RPH3A: variants seen among roughly 807,000 people sequenced by gnomAD.
RPH3A encodes rabphilin-3A.
Under a neutral mutation model 102.2 loss-of-function variants are expected in RPH3A, and 48 were observed. The ratio of observed to expected loss-of-function variants is 0.47; its 90% CI spans 0.37 to 0.60. The LOEUF (loss-of-function observed/expected upper bound fraction) is 0.60. Ranked by LOEUF, RPH3A falls within the 20% of genes least tolerant of loss-of-function variation. The pLI is 0.00. For synonymous variants in RPH3A, 310 were observed against 324.3 expected (o/e 0.96, Z 0.47); for missense variants, 781 against 910.1 (o/e 0.86, Z 1.83).
chr12:112,754,891 T>G (rs752263591), intron 1 of RPH3A, among the ~76,000 whole-genome samples: 3 of 152,246 alleles, frequency 2.0e-5, no homozygotes, highest in Admixed American at 6.5e-5. Flanking sequence ...TGCTTCAAAC[T>G]AATTACATCT....
At chr12:112,895,248 G>C (rs2043160378) in intron 20 of RPH3A, among the ~76,000 whole-genome samples, 1 of 151,980 alleles carries the variant, frequency 6.6e-6, no homozygotes, top group Admixed American at 6.6e-5. Context: ...AATTACAGGT[G>C]CCCACCACCA....
intron 1 of RPH3A, among the ~76,000 whole-genome samples, chr12:112,721,473 T>C (rs1022398443): frequency 3.9e-5 from 6 of 152,166 alleles, no homozygotes; most frequent in African/African-American, 1.4e-4. Flanking sequence ...GAGGGCCAGA[T>C]TGTGAATATA....
chr12:112,888,892 C>T (rs538929503), intron 17 of RPH3A, among the ~76,000 whole-genome samples: 10 of 152,300 alleles, frequency 6.6e-5, no homozygotes, highest in Admixed American at 5.9e-4. Flanking sequence ...GGCTGCCTTG[C>T]CTTACGTATG....
At chr12:112,785,629 A>G (rs940033587) in intron 1 of RPH3A, among the ~76,000 whole-genome samples, 6 of 152,146 alleles carry the variant, frequency 3.9e-5, no homozygotes, top group African/African-American at 1.2e-4. Flanking sequence ...GCTTTAACGT[A>G]TGTTAGCTAA....
At chr12:112,851,892 C>G (rs2042329807) in intron 5 of RPH3A, among the ~76,000 whole-genome samples, 2 of 152,226 alleles carry the variant, frequency 1.3e-5, no homozygotes, top group South Asian at 4.1e-4. Flanking sequence ...ACACTTTGCT[C>G]ACAAGAAAGG....
intron 1 of RPH3A, among the ~76,000 whole-genome samples, chr12:112,646,538 G>T (rs2039932155): frequency 6.6e-6 from 1 of 152,146 alleles, no homozygotes; most frequent in Admixed American, 6.5e-5. Flanking sequence ...CTCTCAGCCG[G>T]TCACACTCCT....
At chr12:112,888,554 C>T (rs186911200) in intron 17 of RPH3A, among the ~76,000 whole-genome samples, 2 of 152,304 alleles carry the variant, frequency 1.3e-5, no homozygotes, top group East Asian at 3.9e-4. Context: ...TAACCTGAGG[C>T]AAATTATTTA....
At chr12:112,734,246 C>T (rs1245083638) in intron 1 of RPH3A, among the ~76,000 whole-genome samples, 1 of 152,202 alleles carries the variant, frequency 6.6e-6, no homozygotes, top group Non-Finnish European at 1.5e-5. Context: ...CAATTGCCTA[C>T]AGTGTTCAGG....
chr12:112,578,737 G>A (rs1009014146), intron 1 of RPH3A, among the ~76,000 whole-genome samples: 4 of 152,212 alleles, frequency 2.6e-5, no homozygotes, highest in Admixed American at 2.0e-4. Context: ...AAAGTCAACT[G>A]CTTACAGGGT....
At chr12:112,749,932 T>G (rs2040775120) in intron 1 of RPH3A, among the ~76,000 whole-genome samples, 1 of 152,190 alleles carries the variant, frequency 6.6e-6, no homozygotes. Flanking sequence ...GGAGTCCAGA[T>G]GTCTGTATCT....
At chr12:112,875,317 C>T (rs1050300617) in intron 11 of RPH3A, 147 bp downstream of exon 11, 1 of 664,410 alleles carries the variant, frequency 1.5e-6, no homozygotes, top group Non-Finnish European at 2.5e-6. Context: ...ACCCTTACAA[C>T]CAGTAATTCC....
At chr12:112,779,843 C>T (rs567498133) in intron 1 of RPH3A, among the ~76,000 whole-genome samples, 1 of 152,164 alleles carries the variant, frequency 6.6e-6, no homozygotes, top group Admixed American at 6.5e-5. Flanking sequence ...TTAGGATGAG[C>T]CCTAAATCCA....
At chr12:112,763,416 T>A (rs550972108) in intron 1 of RPH3A, among the ~76,000 whole-genome samples, 1 of 152,308 alleles carries the variant, frequency 6.6e-6, no homozygotes, top group Admixed American at 6.5e-5. Flanking sequence ...TAGGGAGACA[T>A]AAGATATCAA....
intron 15 of RPH3A, among the ~76,000 whole-genome samples, chr12:112,882,589 A>G (rs1283411715): frequency 6.6e-5 from 10 of 152,154 alleles, no homozygotes. Context: ...CCCTCAACAC[A>G]CACGCGTATA....
chr12:112,889,894 C>A, intron 17 of RPH3A, 130 bp from the exon 18 acceptor site: 1 of 781,388 alleles, frequency 1.3e-6, no homozygotes, highest in Non-Finnish European at 2.2e-6. Context: ...GCAGGAGAGC[C>A]ACAGTAGCTT....
At chr12:112,706,434 A>G (rs2040427328) in intron 1 of RPH3A, among the ~76,000 whole-genome samples, 1 of 152,106 alleles carries the variant, frequency 6.6e-6, no homozygotes, top group South Asian at 2.1e-4. Flanking sequence ...TCTTCCTTCT[A>G]TTCTCTTCTC....
chr12:112,790,972 C>T (rs1379490021), upstream of RPH3A, among the ~76,000 whole-genome samples: 1 of 152,152 alleles, frequency 6.6e-6, no homozygotes, highest in East Asian at 1.9e-4. Context: ...CCTCTTGCTT[C>T]CTATCTTTAG....
chr12:112,721,645 T>C (rs1285498334), intron 1 of RPH3A, among the ~76,000 whole-genome samples: 1 of 152,054 alleles, frequency 6.6e-6, no homozygotes, highest in Non-Finnish European at 1.5e-5. Context: ...ATGGATTTTT[T>C]TTTTTTTTTG....
chr12:112,681,544 C>T (rs1489226746), intron 1 of RPH3A, among the ~76,000 whole-genome samples: 2 of 152,174 alleles, frequency 1.3e-5, no homozygotes, highest in Admixed American at 6.5e-5. Flanking sequence ...CATCTCTTCC[C>T]GAATGCTTCA....
Sources: gnomAD v4.1 joint callset for allele counts (sites outside exome capture counted in the v4.1 genomes callset) on GRCh38, gnomAD v4.1.1 for gene constraint, MANE v1.5 for transcripts, NCBI Gene and HGNC (gene_info 2026-07-23, HGNC 2026-07-21) for gene names.